Variants in PAK1 observed in about 807,000 individuals in gnomAD.
PAK1 encodes the protein p21 (RAC1) activated kinase 1, also known as serine/threonine-protein kinase PAK 1.
Under a neutral mutation model 67.4 loss-of-function variants are expected in PAK1, and 29 were observed. The observed-to-expected ratio is 0.43, with a 90% CI of 0.32 to 0.59. The LOEUF (loss-of-function observed/expected upper bound fraction) is 0.59. Ranked by LOEUF, PAK1 falls within the 20% of genes least tolerant of loss-of-function variation. The pLI is 0.07. For missense variants in PAK1, 337 were observed against 670.7 expected, an observed-to-expected ratio of 0.50 and a Z score of 5.50; for synonymous variants, 223 against 237.4, an observed-to-expected ratio of 0.94 and a Z score of 0.56.
chr11:77,372,271 T>A (rs1248659119), intron 5 of PAK1, among the ~76,000 whole-genome samples: 2 of 152,206 alleles, frequency 1.3e-5, no homozygotes, highest in Non-Finnish European at 2.9e-5. Context: ...TTCTTTCCCA[T>A]CTTTTAATCA....
intron 1 of PAK1, among the ~76,000 whole-genome samples, chr11:77,399,167 A>G (rs140617320): frequency 0.013 from 1,965 of 152,316 alleles, 16 homozygotes; most frequent in Non-Finnish European, 0.017. Flanking sequence ...ATGAAGGAAG[A>G]CAGATAGATA....
At chr11:77,437,730 T>A (rs993628617) in intron 1 of PAK1, among the ~76,000 whole-genome samples, 2 of 126,934 alleles carry the variant, frequency 1.6e-5, no homozygotes, top group African/African-American at 8.2e-5. Flanking sequence ...GATTGAGAAA[T>A]TCAAATATAG....
intron 1 of PAK1, among the ~76,000 whole-genome samples, chr11:77,396,523 C>G (rs1048209146): frequency 6.6e-6 from 1 of 152,172 alleles, no homozygotes; most frequent in African/African-American, 2.4e-5. Flanking sequence ...TGGCACAGAA[C>G]AGGTAATCAA....
chr11:77,482,063 A>T, the PAK1 span, among the ~76,000 whole-genome samples: 1 of 151,810 alleles, frequency 6.6e-6, no homozygotes, highest in Non-Finnish European at 1.5e-5. Flanking sequence ...ATCTTGGCTC[A>T]CTGCAAGCTC....
intron 1 of PAK1, among the ~76,000 whole-genome samples, chr11:77,407,358 C>T (rs1026846903): frequency 1.3e-5 from 2 of 152,206 alleles, no homozygotes; most frequent in African/African-American, 4.8e-5. Context: ...CTACCCCACT[C>T]CTTTTCCTTT....
intron 13 of PAK1, among the ~76,000 whole-genome samples, chr11:77,334,518 A>C (rs1448131656): frequency 6.6e-6 from 1 of 152,200 alleles, no homozygotes; most frequent in Non-Finnish European, 1.5e-5. Context: ...AATCAGAATA[A>C]ATTTCACATT....
chr11:77,440,728 T>C (rs919905873), intron 1 of PAK1, among the ~76,000 whole-genome samples: 1 of 152,088 alleles, frequency 6.6e-6, no homozygotes, highest in African/African-American at 2.4e-5. Context: ...AATCAGCTAG[T>C]AAAGACCTGC....
chr11:77,454,734 C>T (rs1175602136), intron 1 of PAK1, among the ~76,000 whole-genome samples: 1 of 152,198 alleles, frequency 6.6e-6, no homozygotes, highest in East Asian at 1.9e-4. Context: ...GCACTGTTCT[C>T]AGAGAAAGCT....
the PAK1 span, among the ~76,000 whole-genome samples, chr11:77,485,879 G>A: frequency 1.6e-4 from 25 of 152,324 alleles, no homozygotes; most frequent in South Asian, 4.6e-3. Flanking sequence ...CTCGAACATC[G>A]GTAGTTCCGT....
At chr11:77,325,500 C>A in intron 14 of PAK1, 1 of 934,786 alleles carries the variant, frequency 1.1e-6, no homozygotes, top group Non-Finnish European at 1.6e-6. Flanking sequence ...TCAATATAAC[C>A]CATTTATTAC....
intron 1 of PAK1, among the ~76,000 whole-genome samples, chr11:77,407,678 C>G (rs761244456): frequency 5.9e-5 from 9 of 152,298 alleles, no homozygotes; most frequent in Admixed American, 2.6e-4. Context: ...AGCGAAAATG[C>G]CTAGCCTAGC....
intron 6 of PAK1, among the ~76,000 whole-genome samples, chr11:77,357,193 C>G (rs1462246388): frequency 6.6e-6 from 1 of 152,166 alleles, no homozygotes; most frequent in Non-Finnish European, 1.5e-5. Flanking sequence ...CCATTGGCAA[C>G]AGTGGGACTC....
chr11:77,464,520 A>G (rs1957504394), intron 1 of PAK1, among the ~76,000 whole-genome samples: 1 of 152,222 alleles, frequency 6.6e-6, no homozygotes, highest in Admixed American at 6.5e-5. Flanking sequence ...GTGTATCCTT[A>G]GTACTAAGTA....
At chr11:77,405,555 T>C (rs1953361961) in intron 1 of PAK1, among the ~76,000 whole-genome samples, 1 of 138,558 alleles carries the variant, frequency 7.2e-6, no homozygotes. Flanking sequence ...CAGCATGTGA[T>C]TAAAAAAAAA....
intron 1 of PAK1, among the ~76,000 whole-genome samples, chr11:77,460,093 A>T (rs1957265617): frequency 6.6e-6 from 1 of 151,640 alleles, no homozygotes. Flanking sequence ...CGAACAGCAA[A>T]CCAGGGGTAA....
the PAK1 span, among the ~76,000 whole-genome samples, chr11:77,496,172 C>T: frequency 1.3e-5 from 2 of 151,968 alleles, no homozygotes; most frequent in Non-Finnish European, 2.9e-5. Context: ...GCGCCCACCA[C>T]CATGCCTGGC....
rs187892586 is a variant in PAK1, at chr11:77,444,599, A to C, written c.-22+28953T>G. The stretch of plus-strand genomic sequence containing the variant: ...ATGGCCATGTAAGTTAAAATAATTT[A>C]ATTTCTGTTGCCTAAGAATAAATTG... On this transcript the variant is annotated intron_variant, in intron 1 of 14. Coordinates refer to ENST00000356341, the MANE Select transcript of PAK1 (RefSeq NM_002576.5). 7.2e-5 allele frequency among the ~76,000 whole-genome samples: 11 copies of C among 152,342 alleles called. No homozygotes were observed. In the East Asian group the frequency reaches 1.9e-3, roughly 27 times the overall value.
chr11:77,392,709 C>G (rs763470311), intron 1 of PAK1, among the ~76,000 whole-genome samples, 168 bp from the exon 2 acceptor site: 22 of 152,204 alleles, frequency 1.4e-4, no homozygotes, highest in Non-Finnish European at 2.8e-4. Context: ...GATGTAAATG[C>G]CTACTATATG....
intron 1 of PAK1, chr11:77,473,341 C>G (rs1014931948): frequency 1.3e-5 from 2 of 152,246 alleles, no homozygotes; most frequent in African/African-American, 4.8e-5. Context: ...CCCGCCGGTA[C>G]GCGCACAGGG....
Sources: gnomAD v4.1 joint callset for allele counts (sites outside exome capture counted in the v4.1 genomes callset) on GRCh38, gnomAD v4.1.1 for gene constraint, MANE v1.5 for transcripts, NCBI Gene and HGNC (gene_info 2026-07-23, HGNC 2026-07-21) for gene names.